The following GALNT17 variants were observed in gnomAD, a reference collection of about 807,000 sequenced individuals.
The protein encoded by GALNT17 is UDP-GalNAc:polypeptide N-acetylgalactosaminyltransferase-like 3.
A neutral mutation model predicts 63.7 loss-of-function variants in GALNT17; 29 were observed. The ratio of observed to expected loss-of-function variants is 0.46; its 90% CI spans 0.34 to 0.62. The LOEUF (loss-of-function observed/expected upper bound fraction) is 0.62. Among genes scored for constraint, GALNT17 ranks in the 20% least tolerant of loss-of-function variants. GALNT17 has a pLI of 0.01. For missense variants in GALNT17, 603 were observed against 799.6 expected (o/e 0.75, Z 2.97); for synonymous variants, 305 against 318.3 (o/e 0.96, Z 0.45).
chr7:71,265,538 G>A (rs559376726), intron 1 of GALNT17, among the ~76,000 whole-genome samples: 1 of 152,190 alleles, frequency 6.6e-6, no homozygotes, highest in South Asian at 2.1e-4. Context: ...TGCACAAGGA[G>A]GGCAAGGAAG....
At chr7:71,295,135 T>C (rs149123130) in intron 1 of GALNT17, among the ~76,000 whole-genome samples, 2 of 152,334 alleles carry the variant, frequency 1.3e-5, no homozygotes, top group African/African-American at 4.8e-5. Context: ...GTAATTCTTC[T>C]AAGTTCTACG....
At chr7:71,227,509 G>T (rs1204372317) in intron 1 of GALNT17, among the ~76,000 whole-genome samples, 1 of 152,022 alleles carries the variant, frequency 6.6e-6, no homozygotes, top group Non-Finnish European at 1.5e-5. Context: ...TGCATTTCAT[G>T]GACACACAAT....
chr7:71,494,265 G>A (rs1467750744), intron 5 of GALNT17, among the ~76,000 whole-genome samples: 1 of 152,118 alleles, frequency 6.6e-6, no homozygotes, highest in Non-Finnish European at 1.5e-5. Flanking sequence ...ATCACCCCAT[G>A]ATCCAATCAC....
intron 5 of GALNT17, among the ~76,000 whole-genome samples, chr7:71,440,347 GCA>G (rs1787042951): frequency 6.6e-6 from 1 of 150,554 alleles, no homozygotes; most frequent in East Asian, 2.0e-4. Context: ...TTTTTCTACA[GCA>G]CAGTTCAGAA....
chr7:71,329,619 G>A (rs1159257460), intron 1 of GALNT17, among the ~76,000 whole-genome samples: 1 of 152,068 alleles, frequency 6.6e-6, no homozygotes, highest in Non-Finnish European at 1.5e-5. Flanking sequence ...AGGCGAAAGG[G>A]AAGCAGGCAC....
chr7:71,159,558 T>C (rs1788301781), intron 1 of GALNT17, among the ~76,000 whole-genome samples: 1 of 150,324 alleles, frequency 6.7e-6, no homozygotes, highest in Non-Finnish European at 1.5e-5. Flanking sequence ...ATTATGCAAT[T>C]ATATAACAAG....
intron 1 of GALNT17, among the ~76,000 whole-genome samples, chr7:71,189,779 A>G (rs1788916074): frequency 6.6e-6 from 1 of 151,916 alleles, no homozygotes; most frequent in African/African-American, 2.4e-5. Context: ...TGTTTGAACA[A>G]AGACTATACA....
intron 1 of GALNT17, among the ~76,000 whole-genome samples, chr7:71,156,892 C>T (rs1788247070): frequency 6.6e-6 from 1 of 151,400 alleles, no homozygotes; most frequent in Non-Finnish European, 1.5e-5. Flanking sequence ...GACTCCTTTT[C>T]ATTTTCTTAA....
chr7:71,421,225 C>T, intron 5 of GALNT17, 120 bp downstream of exon 5: 1 of 1,000,732 alleles, frequency 1.0e-6, no homozygotes. Context: ...ACACAGCTCT[C>T]CAGGAGCCGC....
intron 6 of GALNT17, among the ~76,000 whole-genome samples, chr7:71,572,298 T>C (rs970961641): frequency 2.7e-5 from 4 of 150,624 alleles, no homozygotes; most frequent in African/African-American, 9.8e-5. Context: ...GCCCAGGAGT[T>C]CAAAACCAGC....
chr7:71,364,668 GAA>G (rs1792468894), intron 2 of GALNT17, among the ~76,000 whole-genome samples: 1 of 152,148 alleles, frequency 6.6e-6, no homozygotes, highest in Non-Finnish European at 1.5e-5. Flanking sequence ...GTCTTAGGGA[GAA>G]AAGAGGGAGG....
intron 8 of GALNT17, among the ~76,000 whole-genome samples, chr7:71,674,675 C>G (rs1272158479): frequency 6.6e-6 from 1 of 152,120 alleles, no homozygotes; most frequent in Non-Finnish European, 1.5e-5. Context: ...GCCACCATGC[C>G]TAGCTAATTT....
At chr7:71,560,713 T>C (rs1207917639) in intron 5 of GALNT17, among the ~76,000 whole-genome samples, 1 of 152,192 alleles carries the variant, frequency 6.6e-6, no homozygotes, top group Non-Finnish European at 1.5e-5. Context: ...GGGGGAGGTC[T>C]GTCAGGAGGC....
chr7:71,220,312 G>A lies in GALNT17; in HGVS notation c.238+87272G>A, dbSNP rs113398198. On this transcript the variant is annotated intron_variant, in intron 1 of 10. Transcript: ENST00000333538. Reference sequence around the variant, plus strand: ...GAAGTCTCTGTTAGACCTTTCAAAAGGCCAGTTGGGAGGTGGGGGAATTCT... The same window carrying A: ...GAAGTCTCTGTTAGACCTTTCAAAAAGCCAGTTGGGAGGTGGGGGAATTCT... Among the ~76,000 whole-genome samples the A allele has an allele frequency of 5.7e-3, 863 of 152,292 alleles. 1 individual carries two copies. The highest frequency in any genetic ancestry group is 0.012 in the Admixed American group (191 of 15,292).
intron 1 of GALNT17, among the ~76,000 whole-genome samples, chr7:71,312,133 G>A (rs943356216): frequency 1.3e-5 from 2 of 152,212 alleles, no homozygotes; most frequent in Non-Finnish European, 2.9e-5. Flanking sequence ...GTATTAAAAA[G>A]TGGTTATAAG....
At chr7:71,710,737 C>T in intron 9 of GALNT17, 24 bp from the exon 10 acceptor site, 2 of 1,610,228 alleles carry the variant, frequency 1.2e-6, no homozygotes, top group Non-Finnish European at 1.7e-6. Context: ...CTTCCATTCC[C>T]CTGCTGCTCT....
intron 9 of GALNT17, among the ~76,000 whole-genome samples, chr7:71,685,174 G>A (rs931804765): frequency 6.6e-6 from 1 of 152,170 alleles, no homozygotes; most frequent in African/African-American, 2.4e-5. Context: ...AGGAAGCAGA[G>A]AGGAATGGAA....
chr7:71,580,840 C>A lies in GALNT17; in HGVS notation c.1080+9438C>A, dbSNP rs371595200. ...GTTTCTGAGACACCCCAGGCCAGCC[C>A]AGAGGCATTTGCATGTGTGGGGATT... is the stretch of plus-strand genomic sequence containing the variant. On this transcript the variant is annotated intron_variant, in intron 6 of 10. Coordinates refer to ENST00000333538, the MANE Select transcript of GALNT17 (RefSeq NM_022479.3). Among the ~76,000 whole-genome samples the A allele has an allele frequency of 9.6e-4, 146 of 152,196 alleles. 1 individual carries two copies. In the South Asian group the frequency reaches 0.018, roughly 19 times the overall value.
chr7:71,631,381 G>A (rs1790450987), intron 6 of GALNT17, among the ~76,000 whole-genome samples: 1 of 151,732 alleles, frequency 6.6e-6, no homozygotes, highest in Non-Finnish European at 1.5e-5. Context: ...TTTGTAGAGA[G>A]GTCTCACTAT....
Sources: gnomAD v4.1 joint callset for allele counts (sites outside exome capture counted in the v4.1 genomes callset) on GRCh38, gnomAD v4.1.1 for gene constraint, MANE v1.5 for transcripts, NCBI Gene and HGNC (gene_info 2026-07-23, HGNC 2026-07-21) for gene names.